PARD3: variants seen among roughly 807,000 people sequenced by gnomAD.
PARD3 encodes the protein partitioning defective 3 homolog.
In PARD3, 75 loss-of-function variants were observed where a neutral mutation model predicts 155.4. That is an observed-to-expected ratio of 0.48 (90% CI 0.40 to 0.58). The LOEUF (loss-of-function observed/expected upper bound fraction) is 0.58, where lower values mean the gene tolerates loss of function less well. Ranked by LOEUF, PARD3 falls within the 20% of genes least tolerant of loss-of-function variation. The pLI is 0.00. For missense variants in PARD3, 1,642 were observed against 1,721.7 expected (o/e 0.95, Z 0.82); for synonymous variants, 576 against 610.5 (o/e 0.94, Z 0.83).
chr10:34,805,082 G>A (rs1843201232), intron 1 of PARD3, among the ~76,000 whole-genome samples: 1 of 152,236 alleles, frequency 6.6e-6, no homozygotes, highest in Admixed American at 6.5e-5. Flanking sequence ...GAAAGGCTGG[G>A]CGCGGTGGCT....
chr10:34,643,254 T>C (rs2092735697), intron 2 of PARD3, among the ~76,000 whole-genome samples: 3 of 152,214 alleles, frequency 2.0e-5, no homozygotes. Flanking sequence ...AACTCTCCCT[T>C]TATGTGTTCT....
In PARD3 at chr10:34,480,824, A is replaced by G. The variant is rs543738419; in HGVS notation, c.404-10561T>C. 6.6e-4 allele frequency among the ~76,000 whole-genome samples: 83 copies of G among 125,522 alleles called. 1 individual carries two copies. Among genetic ancestry groups the G allele is most frequent in the Non-Finnish European group, 1.1e-3 (67 of 62,844 alleles). The allele number at this position is 125,522 out of a possible 152,430, so 82.3% of individuals were successfully genotyped here. On this transcript the variant is annotated intron_variant, in intron 3 of 24. Coordinates refer to ENST00000374788, the MANE Select transcript of PARD3 (RefSeq NM_001184785.2). The stretch of plus-strand genomic sequence containing the variant: ...TTTTTTTTTTTTTTTCTTTTTTGAG[A>G]CGGAGTCTTGCTCTGTCACCAGCCT...
intron 1 of PARD3, among the ~76,000 whole-genome samples, chr10:34,792,111 C>T (rs1024443970): frequency 6.6e-6 from 1 of 152,110 alleles, no homozygotes; most frequent in African/African-American, 2.4e-5. Flanking sequence ...CCTCAGGATG[C>T]GCGCCCACGT....
intron 1 of PARD3, among the ~76,000 whole-genome samples, chr10:34,762,259 G>GGAGAAAGA (rs1554827741): frequency 5.4e-5 from 8 of 149,320 alleles, no homozygotes; most frequent in African/African-American, 1.5e-4. Flanking sequence ...GGAGGGAGAG[G>GGAGAAAGA]GAGAGAGAGA....
At chr10:34,450,502 A>G in intron 4 of PARD3, 54 bp from the exon 5 acceptor site, 1 of 1,523,080 alleles carries the variant, frequency 6.6e-7, no homozygotes, top group Non-Finnish European at 8.9e-7. Context: ...CTTGCAAATC[A>G]GTAATGCACC....
At chr10:34,295,096 T>C (rs1403411806) in intron 20 of PARD3, among the ~76,000 whole-genome samples, 2 of 151,606 alleles carry the variant, frequency 1.3e-5, no homozygotes, top group Non-Finnish European at 2.9e-5. Flanking sequence ...CCAAAAAAAA[T>C]GTCAATGGCT....
At chr10:34,639,312 C>A (rs944347495) in intron 2 of PARD3, among the ~76,000 whole-genome samples, 3 of 152,094 alleles carry the variant, frequency 2.0e-5, no homozygotes, top group African/African-American at 7.2e-5. Flanking sequence ...AGGAGAATCC[C>A]TTGAACACAG....
chr10:34,189,852 G>C (rs530460719), intron 22 of PARD3, among the ~76,000 whole-genome samples: 1 of 152,238 alleles, frequency 6.6e-6, no homozygotes, highest in African/African-American at 2.4e-5. Context: ...GAAAACCACT[G>C]ACAGTATTTG....
At chr10:34,454,133 T>C (rs1307212934) in intron 4 of PARD3, among the ~76,000 whole-genome samples, 1 of 152,194 alleles carries the variant, frequency 6.6e-6, no homozygotes, top group Admixed American at 6.5e-5. Context: ...ATATTTGTTA[T>C]ATTTTTGACA....
chr10:34,367,151 C>G (rs758018379), intron 12 of PARD3, among the ~76,000 whole-genome samples: 5 of 152,026 alleles, frequency 3.3e-5, no homozygotes, highest in Non-Finnish European at 5.9e-5. Flanking sequence ...AGTAATCTGC[C>G]CCTTCAAAAA....
chr10:34,336,267 A>G (rs2134268211), intron 17 of PARD3, 24 bp from the exon 18 acceptor site: 1 of 1,584,594 alleles, frequency 6.3e-7, no homozygotes, highest in Non-Finnish European at 8.7e-7. Context: ...AATGTATAAT[A>G]GTTAGCCCAG....
Position 34,317,415 on chromosome 10 carries a change from G to A in PARD3, c.2834-77C>T, listed in dbSNP as rs1024948796. 3.4e-6 allele frequency: 5 copies of A among 1,466,632 alleles called. No homozygotes were observed. In the Admixed American group the frequency reaches 1.2e-4, roughly 34 times the overall value. The allele number at this position is 1,466,632 out of a possible 1,614,324, so 90.9% of individuals were successfully genotyped here. On this transcript the variant is annotated intron_variant, in intron 19 of 24. Transcript: ENST00000374788. ...ATAATAAAGCTAAAATACATTCAAGGACTTTACTTTCCCACACTTTTACTG... is the reference window on the plus strand; with the variant it reads ...ATAATAAAGCTAAAATACATTCAAGAACTTTACTTTCCCACACTTTTACTG...
intron 20 of PARD3, among the ~76,000 whole-genome samples, chr10:34,310,310 C>T (rs1281988183): frequency 6.6e-6 from 1 of 152,064 alleles, no homozygotes; most frequent in African/African-American, 2.4e-5. Context: ...ATTTATTTAC[C>T]CTGTGTTATT....
Position 34,341,758 on chromosome 10 carries a change from T to C in PARD3, c.2277A>G (p.Glu759=). 1 of 1,611,596 alleles carries C rather than the reference T, an allele frequency of 6.2e-7. No individual in the cohort carries two copies. The highest frequency in any genetic ancestry group is 8.5e-7 in the Non-Finnish European group (1 of 1,177,704). Residue 759 remains glutamate, a synonymous_variant, in exon 16 of 25, where the codon GAA becomes GAG. Coordinates refer to ENST00000374788, the MANE Select transcript of PARD3 (RefSeq NM_001184785.2). ...NMPQDDTVII[E]DDRLPVLPPH... is the part of the protein sequence containing the mutation. The stretch of plus-strand genomic sequence containing the variant: ...GAGGAAGCACTGGCAACCTGTCATC[T>C]TCTATAATGACAGTGTCATCTTGGG...
At chr10:34,395,485 T>C (rs1359208222) in intron 7 of PARD3, among the ~76,000 whole-genome samples, 1 of 152,200 alleles carries the variant, frequency 6.6e-6, no homozygotes, top group African/African-American at 2.4e-5. Flanking sequence ...CGTGAACGAA[T>C]ATAGATGAGG....
intron 2 of PARD3, among the ~76,000 whole-genome samples, chr10:34,593,115 T>C (rs563117362): frequency 6.6e-6 from 1 of 152,200 alleles, no homozygotes; most frequent in African/African-American, 2.4e-5. Flanking sequence ...GAGGCAGAAA[T>C]GTTACAGAGC....
rs139435911 is a variant in PARD3, at chr10:34,461,622, T to C, written c.582+8463A>G. Among the ~76,000 whole-genome samples, 82 of 151,988 alleles carry C rather than the reference T, an allele frequency of 5.4e-4. No individual in the cohort carries two copies. The East Asian group carries it at 0.015, about 28-fold the overall frequency. ...CTCCATCTCAAGAAAAATAAATAAA[T>C]AAATAAAAAGATGAAATGAGATCAA... On this transcript the variant is annotated intron_variant, in intron 4 of 24. Transcript: ENST00000374788.
intron 20 of PARD3, among the ~76,000 whole-genome samples, chr10:34,298,134 G>A (rs1956992402): frequency 6.6e-6 from 1 of 152,200 alleles, no homozygotes; most frequent in African/African-American, 2.4e-5. Context: ...AGCCCTGTGT[G>A]TTGGCACATA....
At chr10:34,413,594 C>G (rs549799240) in intron 5 of PARD3, among the ~76,000 whole-genome samples, 2 of 152,132 alleles carry the variant, frequency 1.3e-5, no homozygotes, top group African/African-American at 4.8e-5. Flanking sequence ...CTAAGGGTCC[C>G]GAGTTACCTG....
Sources: gnomAD v4.1 joint callset for allele counts (sites outside exome capture counted in the v4.1 genomes callset) on GRCh38, gnomAD v4.1.1 for gene constraint, MANE v1.5 for transcripts, NCBI Gene and HGNC (gene_info 2026-07-23, HGNC 2026-07-21) for gene names.